The following CFAP210 variants were observed in gnomAD, a reference collection of about 807,000 sequenced individuals.
The protein encoded by CFAP210 is cilia and flagella associated protein 210.
chr2:169,653,161 A>AG, the CFAP210 span, among the ~76,000 whole-genome samples: 1 of 146,726 alleles, frequency 6.8e-6, no homozygotes, highest in African/African-American at 2.5e-5. Context: ...GCAATTGGGG[A>AG]GGGGGTATAA....
At chr2:169,688,915 C>T in the CFAP210 span, among the ~76,000 whole-genome samples, 1 of 152,158 alleles carries the variant, frequency 6.6e-6, no homozygotes, top group Non-Finnish European at 1.5e-5. Context: ...TGTATTAGTC[C>T]GTTTTCACAC....
At chr2:169,692,481 C>CACA in the CFAP210 span, among the ~76,000 whole-genome samples, 1 of 144,950 alleles carries the variant, frequency 6.9e-6, no homozygotes, top group African/African-American at 2.7e-5. Context: ...CACACACACA[C>CACA]CACACAGAGA....
At chr2:169,687,455 G>A in the CFAP210 span, among the ~76,000 whole-genome samples, 1 of 152,192 alleles carries the variant, frequency 6.6e-6, no homozygotes, top group Non-Finnish European at 1.5e-5. Context: ...CATTCCAAAT[G>A]GGAGACATTG....
At chr2:169,688,076 A>G in the CFAP210 span, among the ~76,000 whole-genome samples, 1 of 152,218 alleles carries the variant, frequency 6.6e-6, no homozygotes, top group Admixed American at 6.5e-5. Flanking sequence ...GCTGGGACAC[A>G]GGGCACCAAG....
the CFAP210 span, among the ~76,000 whole-genome samples, chr2:169,668,335 G>T: frequency 6.6e-6 from 1 of 152,190 alleles, no homozygotes; most frequent in Non-Finnish European, 1.5e-5. Context: ...GCTGGTTTGA[G>T]CTTCTATCCA....
At chr2:169,655,127 G>A in the CFAP210 span, among the ~76,000 whole-genome samples, 2 of 152,166 alleles carry the variant, frequency 1.3e-5, no homozygotes, top group South Asian at 4.1e-4. Flanking sequence ...ACAATAGCCT[G>A]AATATATAGA....
At chr2:169,676,648 C>T in the CFAP210 span, among the ~76,000 whole-genome samples, 5 of 152,110 alleles carry the variant, frequency 3.3e-5, no homozygotes, top group Admixed American at 6.5e-5. Flanking sequence ...ATTAGTCCAT[C>T]ATATAATTCT....
chr2:169,648,162 CAAAAAAAAAAAAAAAA>C, the CFAP210 span: 22,466 of 101,882 alleles, frequency 0.22, 1,886 homozygotes, highest in Non-Finnish European at 0.23. Flanking sequence ...AACTCTGTCT[CAAAAAAAAAAAAAAAA>C]AAAAAAAAAA....
chr2:169,669,818 A>T, the CFAP210 span, among the ~76,000 whole-genome samples: 40 of 151,928 alleles, frequency 2.6e-4, no homozygotes, highest in Middle Eastern at 3.2e-3. Flanking sequence ...CTGGAAATCA[A>T]TAATTCTGTG....
chr2:169,685,041 G>C, the CFAP210 span, among the ~76,000 whole-genome samples: 1 of 152,144 alleles, frequency 6.6e-6, no homozygotes, highest in Non-Finnish European at 1.5e-5. Flanking sequence ...TGGATATTAG[G>C]GGTGTTTCCA....
chr2:169,646,877 C>T, the CFAP210 span, among the ~76,000 whole-genome samples: 1 of 151,964 alleles, frequency 6.6e-6, no homozygotes, highest in East Asian at 1.9e-4. Flanking sequence ...ATTTTGTATT[C>T]TCTGTGGCAT....
At chr2:169,652,971 G>C in the CFAP210 span, among the ~76,000 whole-genome samples, 1 of 106,494 alleles carries the variant, frequency 9.4e-6, no homozygotes, top group Non-Finnish European at 1.7e-5. Context: ...CTGCACTCCA[G>C]CCTGGGCGAC....
chr2:169,652,124 C>A, the CFAP210 span, among the ~76,000 whole-genome samples: 2 of 152,094 alleles, frequency 1.3e-5, no homozygotes, highest in Non-Finnish European at 2.9e-5. Flanking sequence ...TTTGTTGTGA[C>A]AAATTCACTT....
At chr2:169,691,789 T>C in the CFAP210 span, among the ~76,000 whole-genome samples, 15 of 152,340 alleles carry the variant, frequency 9.8e-5, no homozygotes, top group African/African-American at 3.1e-4. Flanking sequence ...ATTCCTGCTG[T>C]TGTTGTTTGT....
chr2:169,680,390 T>C, the CFAP210 span, among the ~76,000 whole-genome samples: 129 of 152,294 alleles, frequency 8.5e-4, no homozygotes, highest in African/African-American at 2.9e-3. Context: ...AAGACAGCTA[T>C]TCTACACGAA....
At chr2:169,661,452 GCA>G in the CFAP210 span, 1 of 329,962 alleles carries the variant, frequency 3.0e-6, no homozygotes, top group African/African-American at 2.2e-5. Context: ...GGGCTGAGCT[GCA>G]CAGACAGCTC....
At chr2:169,689,229 G>A in the CFAP210 span, among the ~76,000 whole-genome samples, 3 of 151,996 alleles carry the variant, frequency 2.0e-5, no homozygotes, top group African/African-American at 7.3e-5. Flanking sequence ...TTGAGATTTG[G>A]GTCAGGACAC....
chr2:169,652,721 C>A, the CFAP210 span, among the ~76,000 whole-genome samples: 6 of 151,540 alleles, frequency 4.0e-5, no homozygotes, highest in Non-Finnish European at 5.9e-5. Context: ...AATAGCCGGG[C>A]GCAGTGGCTC....
chr2:169,672,870 T>C, the CFAP210 span, among the ~76,000 whole-genome samples: 12 of 152,254 alleles, frequency 7.9e-5, no homozygotes, highest in African/African-American at 2.9e-4. Context: ...TCCCATCAAG[T>C]TGACATCTAA....
Sources: gnomAD v4.1 joint callset for allele counts (sites outside exome capture counted in the v4.1 genomes callset) on GRCh38, gnomAD v4.1.1 for gene constraint, MANE v1.5 for transcripts, NCBI Gene and HGNC (gene_info 2026-07-23, HGNC 2026-07-21) for gene names.